Variants in PGBD5 observed in about 807,000 individuals in gnomAD.
The protein encoded by PGBD5 is piggyBac transposable element derived 5, also known as piggyBac transposable element-derived protein 5.
Under a neutral mutation model 47.9 loss-of-function variants are expected in PGBD5, and 14 were observed. That is an observed-to-expected ratio of 0.29 (90% CI 0.19 to 0.46). PGBD5 has a LOEUF of 0.46. Among genes scored for constraint, PGBD5 ranks in the 20% least tolerant of loss-of-function variants. The pLI, the probability that PGBD5 is intolerant of heterozygous loss-of-function variation, is 1.00. For missense variants in PGBD5, 635 were observed against 716.0 expected (o/e 0.89, Z 1.29); for synonymous variants, 316 against 306.3 (o/e 1.03, Z -0.33).
At chr1:230,347,485 T>A (rs1415642162) in intron 3 of PGBD5, among the ~76,000 whole-genome samples, 1 of 147,322 alleles carries the variant, frequency 6.8e-6, no homozygotes, top group Non-Finnish European at 1.5e-5. Flanking sequence ...TCTTTTTTTT[T>A]TTTTTTTTTT....
chr1:230,350,860 T>A (rs966552456), intron 3 of PGBD5, 98 bp downstream of exon 3: 7 of 1,507,928 alleles, frequency 4.6e-6, no homozygotes, highest in African/African-American at 2.8e-5. Context: ...GAAAAGGGTA[T>A]GTGAACAAGT....
chr1:230,336,444 C>G (rs980708450), intron 4 of PGBD5: 2 of 152,274 alleles, frequency 1.3e-5, no homozygotes, highest in African/African-American at 4.8e-5. Flanking sequence ...GTGGCTGCTG[C>G]AGGGGAGCAG....
chr1:230,424,833 C>A (rs1413027235), intron 1 of PGBD5, among the ~76,000 whole-genome samples: 2 of 152,228 alleles, frequency 1.3e-5, no homozygotes, highest in Non-Finnish European at 2.9e-5. Flanking sequence ...CAACAGCCAA[C>A]TCCCACAAAA....
intron 1 of PGBD5, among the ~76,000 whole-genome samples, chr1:230,403,838 G>GGA (rs1190207601): frequency 1.3e-5 from 2 of 152,108 alleles, no homozygotes; most frequent in African/African-American, 4.8e-5. Context: ...CACACAAGGG[G>GGA]GACCGCCCAG....
At chr1:230,400,459 C>T (rs990605102) in intron 1 of PGBD5, among the ~76,000 whole-genome samples, 1 of 152,018 alleles carries the variant, frequency 6.6e-6, no homozygotes, top group Admixed American at 6.6e-5. Flanking sequence ...AGAATGTGTG[C>T]TTCATGGAGG....
intron 1 of PGBD5, among the ~76,000 whole-genome samples, chr1:230,406,495 ATAT>A (rs1005380111): frequency 6.6e-6 from 1 of 152,154 alleles, no homozygotes; most frequent in Non-Finnish European, 1.5e-5. Context: ...GTTAACAGAA[ATAT>A]TATGAGTATG....
intron 1 of PGBD5, among the ~76,000 whole-genome samples, chr1:230,408,201 A>G (rs1657338275): frequency 6.6e-6 from 1 of 152,226 alleles, no homozygotes; most frequent in Admixed American, 6.5e-5. Flanking sequence ...GTCAACCTTT[A>G]TAATTTTGAA....
chr1:230,383,102 C>A (rs962624550), intron 1 of PGBD5, among the ~76,000 whole-genome samples: 1 of 152,188 alleles, frequency 6.6e-6, no homozygotes, highest in Admixed American at 6.5e-5. Context: ...CAAGGTCTTG[C>A]TCTGTCACCC....
intron 3 of PGBD5, 21 bp downstream of exon 3, chr1:230,350,937 C>CGGGCTCAGCCCA: frequency 6.2e-7 from 1 of 1,611,560 alleles, no homozygotes; most frequent in East Asian, 2.2e-5. Flanking sequence ...CGACCCTCCC[C>CGGGCTCAGCCCA]GGGCTCAGCC....
intron 1 of PGBD5, among the ~76,000 whole-genome samples, chr1:230,418,545 T>C (rs1657575980): frequency 6.6e-6 from 1 of 152,146 alleles, no homozygotes; most frequent in African/African-American, 2.4e-5. Context: ...TGTCAGCTTG[T>C]ACCACAGTCT....
intron 3 of PGBD5, among the ~76,000 whole-genome samples, chr1:230,344,146 G>A (rs1406069389): frequency 6.6e-6 from 1 of 152,130 alleles, no homozygotes; most frequent in Non-Finnish European, 1.5e-5. Flanking sequence ...TTAGCCGGGC[G>A]TGGTGGCGGG....
intron 3 of PGBD5, among the ~76,000 whole-genome samples, chr1:230,338,580 C>T (rs1571829549): frequency 6.6e-6 from 1 of 152,100 alleles, no homozygotes; most frequent in Non-Finnish European, 1.5e-5. Context: ...TGAGTGATTA[C>T]CTGAGGTCAG....
At position 230,358,187 on chromosome 1, in the gene PGBD5, C is replaced by T. The variant is rs114248030; in HGVS notation, c.332-866G>A. On this transcript the variant is annotated intron_variant, in intron 1 of 6. Transcript: ENST00000391860. ...CGCCATCACACAGGGCTCCTCCCTC[C>T]CCTGCAGACCCCACGCTTTCCCTGG... 5.2e-4 allele frequency among the ~76,000 whole-genome samples: 79 copies of T among 152,276 alleles called. 1 individual carries two copies. Among genetic ancestry groups the T allele is most frequent in the African/African-American group, 1.7e-3 (71 of 41,542 alleles).
intron 1 of PGBD5, among the ~76,000 whole-genome samples, chr1:230,362,907 TG>T (rs2102710738): frequency 6.6e-6 from 1 of 151,646 alleles, no homozygotes; most frequent in East Asian, 1.9e-4. Context: ...CCTGTGCATA[TG>T]GGGAGGCCTG....
intron 1 of PGBD5, chr1:230,377,630 T>C: frequency 6.6e-7 from 1 of 1,505,330 alleles, no homozygotes; most frequent in Non-Finnish European, 8.9e-7. Flanking sequence ...ATATCTGACC[T>C]ACCGAACAGG....
Position 230,315,371 on chromosome 1 carries a change from G to C in PGBD5, c.*8054C>G, listed in dbSNP as rs11582949. 6 of 139,460 alleles carry C rather than the reference G, an allele frequency of 4.3e-5. No homozygotes were observed. Among genetic ancestry groups the C allele is most frequent in the African/African-American group, 1.9e-4 (6 of 30,932 alleles). 8.6% of individuals were successfully genotyped at this position (139,460 alleles called of 1,614,324 possible). A position where few individuals can be genotyped will look rare whatever the true frequency, so the allele number is the denominator to read the frequency against. On this transcript the variant is annotated 3_prime_UTR_variant, in exon 7 of 7. Coordinates refer to ENST00000391860, the MANE Select transcript of PGBD5 (RefSeq NM_001258311.2). ...CTGCCTCCTGGGATATGCACCCGGC[G>C]GTCCCCATTCAGCCCCGGGAGCCAC... is the stretch of plus-strand genomic sequence containing the variant.
intron 1 of PGBD5, among the ~76,000 whole-genome samples, chr1:230,403,950 C>T (rs1558212922): frequency 6.6e-6 from 1 of 152,076 alleles, no homozygotes; most frequent in Non-Finnish European, 1.5e-5. Flanking sequence ...TCTACTGCAA[C>T]ATACAGAGGA....
At chr1:230,370,278 T>C (rs1331728420) in intron 1 of PGBD5, among the ~76,000 whole-genome samples, 1 of 152,084 alleles carries the variant, frequency 6.6e-6, no homozygotes, top group Non-Finnish European at 1.5e-5. Context: ...ACATTCCCCA[T>C]GGAAACAAGG....
chr1:230,342,945 A>G (rs1667429133), intron 3 of PGBD5, among the ~76,000 whole-genome samples: 1 of 152,240 alleles, frequency 6.6e-6, no homozygotes, highest in Non-Finnish European at 1.5e-5. Context: ...ACATGAGGCT[A>G]GGAACTGCCA....
Sources: gnomAD v4.1 joint callset for allele counts (sites outside exome capture counted in the v4.1 genomes callset) on GRCh38, gnomAD v4.1.1 for gene constraint, MANE v1.5 for transcripts, NCBI Gene and HGNC (gene_info 2026-07-23, HGNC 2026-07-21) for gene names.